STAG2: variants seen among roughly 807,000 people sequenced by gnomAD.
STAG2 encodes the protein STAG2 cohesin complex component.
In STAG2, 14 loss-of-function variants were observed where a neutral mutation model predicts 108.1. That is an observed-to-expected ratio of 0.13 (90% CI 0.09 to 0.20). STAG2 has a LOEUF of 0.20. Among genes scored for constraint, STAG2 ranks in the 10% least tolerant of loss-of-function variants. The pLI is 1.00. For synonymous variants in STAG2, 307 were observed against 302.7 expected (o/e 1.01, Z -0.15); for missense variants, 440 against 940.9 (o/e 0.47, Z 6.96).
intron 1 of STAG2, among the ~76,000 whole-genome samples, chrX:124,015,388 CT>C (rs1180758338): frequency 0.014 from 1,275 of 93,244 alleles, 16 homozygotes; most frequent in African/African-American, 0.042. Flanking sequence ...AGAAGAATTT[CT>C]TTTTTTTTTT....
intron 27 of STAG2, among the ~76,000 whole-genome samples, chrX:124,079,259 C>T (rs1376037496): frequency 1.8e-5 from 2 of 108,435 alleles, no homozygotes; most frequent in Non-Finnish European, 3.8e-5. Context: ...CTGCCTCAGC[C>T]TCCCAAGTAG....
chrX:124,081,988 TCAA>T (rs2015797221), intron 28 of STAG2, among the ~76,000 whole-genome samples: 2 of 112,086 alleles, frequency 1.8e-5, no homozygotes, highest in African/African-American at 3.2e-5. Flanking sequence ...AGGCTCTGTC[TCAA>T]CAACAACAAC....
intron 17 of STAG2, 63 bp downstream of exon 17, chrX:124,061,937 A>T: frequency 2.3e-6 from 2 of 884,669 alleles, no homozygotes; most frequent in Non-Finnish European, 3.1e-6. Context: ...GTATCTTTTT[A>T]AAAATTCCAT....
chrX:124,096,422 T>C (rs1165223103), intron 34 of STAG2, among the ~76,000 whole-genome samples: 1 of 111,738 alleles, frequency 8.9e-6, no homozygotes, highest in African/African-American at 3.3e-5. Context: ...AGTAAAGTCT[T>C]TCTTTGATAC....
chrX:123,972,851 C>T (rs1405274316), intron 1 of STAG2, among the ~76,000 whole-genome samples: 1 of 76,627 alleles, frequency 1.3e-5, no homozygotes, highest in Non-Finnish European at 2.5e-5. Context: ...AAACTCCCCC[C>T]CTCTACCAAA....
intron 9 of STAG2, among the ~76,000 whole-genome samples, chrX:124,048,785 T>TA (rs1186702609): frequency 8.9e-6 from 1 of 111,977 alleles, no homozygotes; most frequent in African/African-American, 3.2e-5. Context: ...ATCTACTAGC[T>TA]AAATATTAAA....
At chrX:124,095,586 C>T in intron 34 of STAG2, 137 bp downstream of exon 34, 1 of 480,959 alleles carries the variant, frequency 2.1e-6, no homozygotes, top group Non-Finnish European at 3.6e-6. Context: ...GGCAGGCAGG[C>T]AGGATTTCAG....
At position 124,061,862 on chromosome X, in the gene STAG2, G is replaced by A; in HGVS notation, c.1626G>A (p.Gly542=). The A allele has an allele frequency of 8.4e-7, 1 of 1,187,337 alleles. No homozygotes were observed. Among genetic ancestry groups the A allele is most frequent in the Non-Finnish European group, 1.1e-6 (1 of 881,435 alleles). The change falls in exon 17 of 35, where the codon GGG becomes GGA. Residue 542 remains glycine (G), a synonymous_variant. Coordinates refer to ENST00000371145, the MANE Select transcript of STAG2 (RefSeq NM_001042750.2). The part of the protein sequence containing the change: ...AAECHPPVGR[G]TGKRVLTAKE... Reference sequence around the variant, plus strand: ...AATGTCATCCTCCCGTGGGAAGAGGGACAGGAAAAAGGGTATGCCAATCAA... The same window carrying A: ...AATGTCATCCTCCCGTGGGAAGAGGAACAGGAAAAAGGGTATGCCAATCAA...
intron 26 of STAG2, among the ~76,000 whole-genome samples, chrX:124,076,907 AAGG>A (rs1212630089): frequency 1.8e-5 from 2 of 110,556 alleles, no homozygotes; most frequent in African/African-American, 6.6e-5. Context: ...TGTGATTGTT[AAGG>A]TTTTCCCCTT....
chrX:124,042,767 T>C (rs1338308109), intron 7 of STAG2, 122 bp downstream of exon 7: 2 of 507,435 alleles, frequency 3.9e-6, no homozygotes, highest in Non-Finnish European at 6.6e-6. Context: ...AATCCCACAC[T>C]TTCAGAGGCC....
At chrX:124,062,752 C>A in intron 17 of STAG2, 150 bp from the exon 18 acceptor site, 1 of 391,779 alleles carries the variant, frequency 2.6e-6, no homozygotes, top group Non-Finnish European at 4.2e-6. Context: ...TCTTTCATGT[C>A]ACTTTTAGGG....
chrX:124,095,602 G>A lies in STAG2; in HGVS notation c.3783+153G>A, dbSNP rs1184174478. ...GCAGGCAGGCAGGATTTCAGTGGGA[G>A]GGGAAGAGAGTGCTGCAATAGTGTT... On this transcript the variant is annotated intron_variant, in intron 34 of 34. Transcript: ENST00000371145. The A allele has an allele frequency of 6.6e-6, 3 of 455,009 alleles. No individual in the cohort carries two copies. In the African/African-American group the frequency reaches 7.4e-5, roughly 11 times the overall value. The allele number at this position is 455,009 out of a possible 1,213,427, so 37.5% of individuals were successfully genotyped here. A position where few individuals can be genotyped will look rare whatever the true frequency, so the allele number is the denominator to read the frequency against.
intron 28 of STAG2, among the ~76,000 whole-genome samples, 190 bp downstream of exon 28, chrX:124,081,718 G>A (rs2058966525): frequency 8.9e-6 from 1 of 112,019 alleles, no homozygotes; most frequent in African/African-American, 3.2e-5. Context: ...CAAATGAGTT[G>A]GGCCAGGCTT....
chrX:124,022,772 A>G, intron 3 of STAG2, 101 bp downstream of exon 3: 1 of 493,173 alleles, frequency 2.0e-6, no homozygotes, highest in South Asian at 4.5e-5. Flanking sequence ...GAGAAGATCT[A>G]ATATATAAAA....
intron 1 of STAG2, among the ~76,000 whole-genome samples, chrX:123,993,751 A>G (rs2055593200): frequency 9.0e-6 from 1 of 111,664 alleles, no homozygotes; most frequent in South Asian, 3.7e-4. Context: ...AATAATACAA[A>G]TACCTGAGAC....
At chrX:124,046,265 A>ATGCT (rs2057874783) in intron 8 of STAG2, among the ~76,000 whole-genome samples, 1 of 112,390 alleles carries the variant, frequency 8.9e-6, no homozygotes, top group East Asian at 2.8e-4. Flanking sequence ...GATTAAAGAT[A>ATGCT]TGCTTCTACG....
At chrX:124,002,658 C>T (rs2056095579) in intron 1 of STAG2, among the ~76,000 whole-genome samples, 1 of 110,618 alleles carries the variant, frequency 9.0e-6, no homozygotes, top group Non-Finnish European at 1.9e-5. Flanking sequence ...AAGTTTCACT[C>T]TTGTTACCCA....
intron 23 of STAG2, among the ~76,000 whole-genome samples, chrX:124,067,442 ATT>A (rs2058565138): frequency 9.1e-6 from 1 of 109,803 alleles, no homozygotes; most frequent in Non-Finnish European, 1.9e-5. Context: ...TAACTTTTGC[ATT>A]TTTAGTAGAC....
intron 1 of STAG2, among the ~76,000 whole-genome samples, chrX:123,974,315 C>T (rs1190049072): frequency 1.9e-5 from 2 of 107,755 alleles, no homozygotes; most frequent in Admixed American, 1.0e-4. Flanking sequence ...TTACTGAAAC[C>T]TCCACCTCCT....
Sources: allele counts gnomAD v4.1 joint callset (sites outside exome capture counted in the v4.1 genomes callset), GRCh38; gene constraint gnomAD v4.1.1; transcripts MANE v1.5; gene names NCBI Gene and HGNC (gene_info 2026-07-23, HGNC 2026-07-21).